ZNF804A: variants seen among roughly 807,000 people sequenced by gnomAD.
The protein encoded by ZNF804A is zinc finger protein 804A.
ZNF804A carries 2 observed loss-of-function variants against 16.5 expected under a neutral mutation model. That is an observed-to-expected ratio of 0.12 (90% CI 0.05 to 0.38). The LOEUF (loss-of-function observed/expected upper bound fraction) is 0.38, where lower values mean the gene tolerates loss of function less well. ZNF804A is among the 10% of genes least tolerant of loss of function. The pLI is 0.99. For missense variants in ZNF804A, 1,473 were observed against 1,390.7 expected (o/e 1.06, Z -0.94); for synonymous variants, 534 against 489.6 (o/e 1.09, Z -1.20).
At chr2:184,823,532 T>C (rs1172870389) in intron 1 of ZNF804A, among the ~76,000 whole-genome samples, 1 of 152,090 alleles carries the variant, frequency 6.6e-6, no homozygotes, top group Non-Finnish European at 1.5e-5. Context: ...GGGATGACAT[T>C]AGTCTATGGC....
At chr2:184,799,276 T>G (rs1291428483) in intron 1 of ZNF804A, among the ~76,000 whole-genome samples, 1 of 152,086 alleles carries the variant, frequency 6.6e-6, no homozygotes, top group African/African-American at 2.4e-5. Flanking sequence ...CTGCCTCTCA[T>G]CCGCCATGAT....
At chr2:184,609,430 A>G (rs1691202836) in intron 1 of ZNF804A, among the ~76,000 whole-genome samples, 1 of 152,238 alleles carries the variant, frequency 6.6e-6, no homozygotes, top group South Asian at 2.1e-4. Flanking sequence ...TTTCTCCCAG[A>G]TTCAGCCACT....
intron 1 of ZNF804A, among the ~76,000 whole-genome samples, chr2:184,720,971 G>T (rs1465178597): frequency 6.6e-6 from 1 of 152,078 alleles, no homozygotes; most frequent in Non-Finnish European, 1.5e-5. Flanking sequence ...TTTTGACAAA[G>T]GTGCCAAGAA....
intron 2 of ZNF804A, among the ~76,000 whole-genome samples, chr2:184,931,305 T>C (rs1291243226): frequency 6.6e-6 from 1 of 152,238 alleles, no homozygotes; most frequent in Admixed American, 6.5e-5. Context: ...TGCACGGCCC[T>C]AGCAGAGGTT....
chr2:184,661,516 G>T (rs1167555035), intron 1 of ZNF804A, among the ~76,000 whole-genome samples: 1 of 152,306 alleles, frequency 6.6e-6, no homozygotes, highest in African/African-American at 2.4e-5. Flanking sequence ...CCTAAAAGTG[G>T]GGTAGCCATC....
chr2:184,919,978 G>A (rs945615974), intron 2 of ZNF804A, among the ~76,000 whole-genome samples: 1 of 152,144 alleles, frequency 6.6e-6, no homozygotes, highest in Non-Finnish European at 1.5e-5. Flanking sequence ...AGCTTGGCAT[G>A]ATGGCATGTG....
At chr2:184,759,248 G>C (rs2105762500) in intron 1 of ZNF804A, among the ~76,000 whole-genome samples, 1 of 151,438 alleles carries the variant, frequency 6.6e-6, no homozygotes, top group Non-Finnish European at 1.5e-5. Flanking sequence ...TCTTGTAAAA[G>C]AGTGCATTGT....
chr2:184,869,009 T>C (rs960231040), intron 2 of ZNF804A, among the ~76,000 whole-genome samples: 2 of 151,948 alleles, frequency 1.3e-5, no homozygotes, highest in Non-Finnish European at 2.9e-5. Context: ...TGCTCTAAAG[T>C]TTGAAACTCT....
chr2:184,601,612 G>C (rs1559104758), intron 1 of ZNF804A, among the ~76,000 whole-genome samples: 1 of 151,662 alleles, frequency 6.6e-6, no homozygotes, highest in Non-Finnish European at 1.5e-5. Context: ...CCAGTTTTAT[G>C]GAGTAATAAT....
intron 1 of ZNF804A, among the ~76,000 whole-genome samples, chr2:184,609,485 C>T (rs1691203398): frequency 6.6e-6 from 1 of 152,180 alleles, no homozygotes; most frequent in Non-Finnish European, 1.5e-5. Flanking sequence ...AACTCTTTGC[C>T]TTTGATTGGG....
rs1690989853 is a variant in ZNF804A at position 184,598,602 on chromosome 2, C to G, written c.-358C>G. 6.0e-6 allele frequency: 1 copy of G among 166,138 alleles called. No homozygotes were observed. Among genetic ancestry groups the G allele is most frequent in the African/African-American group, 2.4e-5 (1 of 41,888 alleles). The allele number at this position is 166,138 out of a possible 1,614,324, so 10.3% of individuals were successfully genotyped here. A position where few individuals can be genotyped will look rare whatever the true frequency, so the allele number is the denominator to read the frequency against. On this transcript the variant is annotated 5_prime_UTR_variant, in exon 1 of 4. Coordinates refer to ENST00000302277, the MANE Select transcript of ZNF804A (RefSeq NM_194250.2). ...CTTCTGCTGCCGCGCGGGCGGCTCC[C>G]GCAGCCCCGCTCCGCCCGGCCACCG...
intron 1 of ZNF804A, among the ~76,000 whole-genome samples, chr2:184,847,204 A>G (rs776466567): frequency 2.6e-5 from 4 of 152,114 alleles, no homozygotes; most frequent in Non-Finnish European, 5.9e-5. Context: ...ATGATATTCA[A>G]TACACAGCCT....
rs138026779 is a variant in ZNF804A, at chr2:184,868,650, A to G, written c.255+2138A>G. Among the ~76,000 whole-genome samples the G allele has an allele frequency of 3.1e-3, 471 of 152,162 alleles. 9 individuals are homozygous for G. Among genetic ancestry groups the G allele is most frequent in the Non-Finnish European group, 7.4e-4 (50 of 67,922 alleles). ...AAACAAACTTAAAAGAGAATGAGAT[A>G]CAAGTGACCCTGTGACAATTGAGAG... On this transcript the variant is annotated intron_variant, in intron 2 of 3. Coordinates refer to ENST00000302277, the MANE Select transcript of ZNF804A (RefSeq NM_194250.2).
chr2:184,936,615 G>T lies in ZNF804A; in HGVS notation c.1219G>T (p.Val407Phe), dbSNP rs568988606. 2.4e-5 allele frequency: 38 copies of T among 1,613,996 alleles called. No individual in the cohort carries two copies. The highest frequency in any genetic ancestry group is 6.7e-5 in the Admixed American group (4 of 59,992). The part of the protein sequence containing the change: ...ETLAPSNTEE[V>F]NITIHKKTNF... ...ATTGGCCCCTTCAAATACTGAAGAG[G>T]TTAACATAACTATACATAAGAAAAC... Residue 407 changes from valine to phenylalanine, a missense_variant, in exon 4 of 4, where the codon GTT becomes TTT. Physicochemically the swap from Val to Phe is conservative, Grantham distance 50 (BLOSUM62 -1). Transcript: ENST00000302277.
chr2:184,697,438 C>T (rs1692849894), intron 1 of ZNF804A, among the ~76,000 whole-genome samples: 1 of 152,000 alleles, frequency 6.6e-6, no homozygotes, highest in Non-Finnish European at 1.5e-5. Flanking sequence ...ACAACTACTA[C>T]TTACATTAAA....
At chr2:184,909,822 C>T (rs2105831211) in intron 2 of ZNF804A, among the ~76,000 whole-genome samples, 1 of 152,022 alleles carries the variant, frequency 6.6e-6, no homozygotes, top group East Asian at 1.9e-4. Context: ...ATGTGTTTTA[C>T]ATATGTGCTA....
intron 1 of ZNF804A, among the ~76,000 whole-genome samples, chr2:184,671,438 G>C (rs1453762225): frequency 6.6e-6 from 1 of 152,096 alleles, no homozygotes; most frequent in Non-Finnish European, 1.5e-5. Flanking sequence ...CAAGAGACTG[G>C]GGAGTCCCTG....
At chr2:184,762,793 T>C (rs1225688607) in intron 1 of ZNF804A, among the ~76,000 whole-genome samples, 3 of 152,110 alleles carry the variant, frequency 2.0e-5, no homozygotes, top group Non-Finnish European at 4.4e-5. Flanking sequence ...CAATCAATTC[T>C]GCCCAATTTC....
chr2:184,627,813 C>T (rs893828025), intron 1 of ZNF804A, among the ~76,000 whole-genome samples: 3 of 152,092 alleles, frequency 2.0e-5, no homozygotes, highest in Non-Finnish European at 2.9e-5. Context: ...GGTCAAGAAT[C>T]GAAGTCTTGA....
Sources: gnomAD v4.1 joint callset for allele counts (sites outside exome capture counted in the v4.1 genomes callset) on GRCh38, gnomAD v4.1.1 for gene constraint, MANE v1.5 for transcripts, NCBI Gene and HGNC (gene_info 2026-07-23, HGNC 2026-07-21) for gene names.